The following MEIKIN variants were observed in gnomAD, a reference collection of about 807,000 sequenced individuals.
MEIKIN encodes the protein meiosis-specific kinetochore protein.
At chr5:131,817,475 G>A (rs1580856826) in intron 12 of MEIKIN, among the ~76,000 whole-genome samples, 1 of 151,936 alleles carries the variant, frequency 6.6e-6, no homozygotes, top group Non-Finnish European at 1.5e-5. Context: ...AATTAGCCGG[G>A]CGTGGTGGCG....
intron 2 of MEIKIN, 150 bp downstream of exon 2, chr5:131,945,006 T>C (rs940173815): frequency 1.8e-5 from 7 of 397,996 alleles, no homozygotes; most frequent in Non-Finnish European, 2.7e-5. Flanking sequence ...AAGTCAAATT[T>C]TGGGGTCCAT....
intron 8 of MEIKIN, among the ~76,000 whole-genome samples, chr5:131,879,631 A>T (rs1219669125): frequency 6.6e-6 from 1 of 152,186 alleles, no homozygotes; most frequent in Non-Finnish European, 1.5e-5. Flanking sequence ...TTCTTAAAAG[A>T]TCTGTCCACA....
intron 9 of MEIKIN, among the ~76,000 whole-genome samples, chr5:131,869,651 G>A (rs138997543): frequency 8.6e-4 from 131 of 152,326 alleles, no homozygotes; most frequent in African/African-American, 3.1e-3. Flanking sequence ...ACTGCTAGAA[G>A]CATGAGAGGA....
chr5:131,869,568 C>G (rs1393419638), intron 9 of MEIKIN, among the ~76,000 whole-genome samples: 1 of 152,084 alleles, frequency 6.6e-6, no homozygotes, highest in African/African-American at 2.4e-5. Flanking sequence ...GGCCTTGTTA[C>G]AAAAAACAAA....
At chr5:131,928,255 A>T (rs1751624966) in intron 5 of MEIKIN, among the ~76,000 whole-genome samples, 1 of 151,954 alleles carries the variant, frequency 6.6e-6, no homozygotes, top group Non-Finnish European at 1.5e-5. Flanking sequence ...AGTTTAACTT[A>T]TTTAAAGTAA....
chr5:131,917,025 C>G (rs928724662), intron 6 of MEIKIN, 100 bp from the exon 7 acceptor site: 1 of 383,334 alleles, frequency 2.6e-6, no homozygotes, highest in African/African-American at 2.1e-5. Context: ...ATTTTTATAA[C>G]TTTTTAAATA....
At chr5:131,812,875 A>G (rs1773023417) in intron 12 of MEIKIN, among the ~76,000 whole-genome samples, 1 of 152,262 alleles carries the variant, frequency 6.6e-6, no homozygotes, top group Admixed American at 6.5e-5. Flanking sequence ...TCCTCAGTGG[A>G]AAACTACTCT....
intron 11 of MEIKIN, among the ~76,000 whole-genome samples, chr5:131,844,833 C>T (rs905638793): frequency 2.0e-5 from 3 of 151,916 alleles, no homozygotes; most frequent in African/African-American, 7.3e-5. Flanking sequence ...ACTGCATATA[C>T]AAGGAAAGCT....
At chr5:131,940,976 C>A (rs571432724) in intron 4 of MEIKIN, among the ~76,000 whole-genome samples, 2 of 151,982 alleles carry the variant, frequency 1.3e-5, no homozygotes, top group African/African-American at 4.8e-5. Flanking sequence ...AGCCAGCCCC[C>A]CCGATAGTTC....
intron 8 of MEIKIN, among the ~76,000 whole-genome samples, chr5:131,897,803 G>A (rs1361931628): frequency 6.6e-6 from 1 of 151,962 alleles, no homozygotes; most frequent in East Asian, 1.9e-4. Context: ...CTTTTTTCAA[G>A]GTTTTTAGCT....
intron 11 of MEIKIN, among the ~76,000 whole-genome samples, chr5:131,842,175 C>T (rs1749927033): frequency 6.6e-6 from 1 of 152,102 alleles, no homozygotes; most frequent in African/African-American, 2.4e-5. Flanking sequence ...CCATGTTGGC[C>T]AGGATGATCT....
intron 11 of MEIKIN, among the ~76,000 whole-genome samples, chr5:131,826,452 T>C (rs1749610394): frequency 6.6e-6 from 1 of 152,206 alleles, no homozygotes; most frequent in Non-Finnish European, 1.5e-5. Flanking sequence ...AAAAGTACTG[T>C]AAGGTCCTTA....
rs1772857289 is a variant in MEIKIN at position 131,807,013 on chromosome 5, A to C, written c.*223T>G. 2.9e-6 allele frequency: 1 copy of C among 348,806 alleles called. No individual in the cohort carries two copies. Among genetic ancestry groups the C allele is most frequent in the African/African-American group, 2.1e-5 (1 of 47,758 alleles). 21.6% of individuals were successfully genotyped at this position (348,806 alleles called of 1,614,324 possible). A position where few individuals can be genotyped will look rare whatever the true frequency, so the allele number is the denominator to read the frequency against. On this transcript the variant is annotated 3_prime_UTR_variant, in exon 13 of 13. Coordinates refer to ENST00000442687, the MANE Select transcript of MEIKIN (RefSeq NM_001303622.2). ...GATTTGGTTCTTTATCTTTTAATAT[A>C]AATACATATATTTAAGAAGCATATG... is the stretch of plus-strand genomic sequence containing the variant.
chr5:131,822,934 ATTTT>A (rs70974019), intron 11 of MEIKIN, among the ~76,000 whole-genome samples: 3,145 of 116,898 alleles, frequency 0.027, 110 homozygotes, highest in African/African-American at 0.088. Flanking sequence ...TGCTTAAAGG[ATTTT>A]TTTTTTTTTT....
chr5:131,895,758 C>T (rs1206162355), intron 8 of MEIKIN, among the ~76,000 whole-genome samples: 1 of 151,962 alleles, frequency 6.6e-6, no homozygotes, highest in African/African-American at 2.4e-5. Flanking sequence ...TTTATTGTGT[C>T]TATTTGATTC....
chr5:131,888,082 G>C (rs1376939337), intron 8 of MEIKIN, among the ~76,000 whole-genome samples: 1 of 145,414 alleles, frequency 6.9e-6, no homozygotes, highest in Admixed American at 6.9e-5. Flanking sequence ...GTATATATGC[G>C]CCACATTTTC....
Position 131,845,643 on chromosome 5 carries a change from T to C in MEIKIN, c.975+5621A>G, listed in dbSNP as rs551436243. Among the ~76,000 whole-genome samples the C allele has an allele frequency of 2.7e-5, 4 of 149,742 alleles. No individual in the cohort carries two copies. The East Asian group carries it at 5.9e-4, about 22-fold the overall frequency. The stretch of plus-strand genomic sequence containing the variant: ...AAAAATCTAGAGCTTAAAAGTACAA[T>C]AACTGAAAGGAAAAATTCACTAGAA... On this transcript the variant is annotated intron_variant, in intron 11 of 12. Transcript: ENST00000442687.
intron 3 of MEIKIN, among the ~76,000 whole-genome samples, chr5:131,943,763 T>C (rs1192634341): frequency 6.6e-6 from 1 of 152,088 alleles, no homozygotes; most frequent in African/African-American, 2.4e-5. Flanking sequence ...TTTAAAAAAA[T>C]GTCTTGTGTT....
intron 5 of MEIKIN, among the ~76,000 whole-genome samples, chr5:131,927,216 T>C (rs1323012352): frequency 6.6e-6 from 1 of 152,254 alleles, no homozygotes; most frequent in Non-Finnish European, 1.5e-5. Flanking sequence ...CCCTTTTGAT[T>C]TCTTCTTTGA....
Sources: allele counts gnomAD v4.1 joint callset (sites outside exome capture counted in the v4.1 genomes callset), GRCh38; gene constraint gnomAD v4.1.1; transcripts MANE v1.5; gene names NCBI Gene and HGNC (gene_info 2026-07-23, HGNC 2026-07-21).